DYNC2H1: variants seen among roughly 807,000 people sequenced by gnomAD.
DYNC2H1 encodes cytoplasmic dynein 2 heavy chain 1.
Under a neutral mutation model 570.0 loss-of-function variants are expected in DYNC2H1, and 410 were observed. The observed-to-expected ratio is 0.72, with a 90% confidence interval of 0.66 to 0.78. The LOEUF (loss-of-function observed/expected upper bound fraction) is 0.78. Among genes scored for constraint, DYNC2H1 ranks in the 30% least tolerant of loss-of-function variants. The pLI, the probability that DYNC2H1 is intolerant of heterozygous loss-of-function variation, is 0.00. For missense variants in DYNC2H1, 4,865 were observed against 5,046.4 expected (o/e 0.96, Z 1.09); for synonymous variants, 1,688 against 1,677.6 (o/e 1.01, Z -0.15).
Position 103,228,723 on chromosome 11 carries a change from A to T in DYNC2H1, c.9354-2537A>T, listed in dbSNP as rs1462359232. Among the ~76,000 whole-genome samples, 4 of 152,110 alleles carry T rather than the reference A, an allele frequency of 2.6e-5. No homozygotes were observed. ...CATCAGCTGTGGTCCTATAGGGAGGATGCAAACTTGCCCTAGGGACACCTG... is the reference window on the plus strand; with the variant it reads ...CATCAGCTGTGGTCCTATAGGGAGGTTGCAAACTTGCCCTAGGGACACCTG... On this transcript the variant is annotated intron_variant, in intron 59 of 88. Transcript: ENST00000375735. This position sits in a 1 kb window ranked among gnomAD's most constrained non-coding sequence, Gnocchi z 6.1.
chr11:103,142,624 G>A (rs937842839), intron 17 of DYNC2H1, among the ~76,000 whole-genome samples: 2 of 152,054 alleles, frequency 1.3e-5, no homozygotes, highest in South Asian at 2.1e-4. Context: ...AGCTTAGATC[G>A]CACCACTGTA....
Position 103,245,282 on chromosome 11 carries a change from C to T in DYNC2H1, c.9950C>T (p.Ala3317Val). 1.3e-6 allele frequency: 2 copies of T among 1,549,184 alleles called. No homozygotes were observed. The highest frequency in any genetic ancestry group is 2.4e-5 in the South Asian group (2 of 83,228). ...AACTTTATCACAGCTCTTGAATTAG[C>T]AGTACGTTTTGGGAAAACCCTTATT... ...DSNFITALEL[A>V]VRFGKTLIIQ... The change falls in exon 65 of 89, where the codon GCA (alanine) becomes GTA (valine). Residue 3317 changes from alanine (A) to valine (V), a missense_variant. Coordinates refer to ENST00000375735, the MANE Select transcript of DYNC2H1 (RefSeq NM_001377.3). The surrounding 1 kb of genome is among the most constrained non-coding windows in gnomAD (Gnocchi z 4.5).
At chr11:103,344,083 G>T (rs1386558698) in intron 82 of DYNC2H1, among the ~76,000 whole-genome samples, 3 of 152,196 alleles carry the variant, frequency 2.0e-5, no homozygotes, top group African/African-American at 7.2e-5. Flanking sequence ...AAACTTTGGT[G>T]CAGACCCTTT....
At position 103,280,392 on chromosome 11, in the gene DYNC2H1, T is replaced by C. The variant is rs1309277858; in HGVS notation, c.10740T>C (p.His3580=). 6.4e-7 allele frequency: 1 copy of C among 1,555,238 alleles called. No homozygotes were observed. Among genetic ancestry groups the C allele is most frequent in the East Asian group, 2.4e-5 (1 of 41,784 alleles). ...MFALHFVRGM[H]PELFQENEWD... Reference sequence around the variant, plus strand: ...CTTTGCATTTTGTTCGAGGCATGCATCCTGAACTTTTTCAAGAAAATGTAA... The same window carrying C: ...CTTTGCATTTTGTTCGAGGCATGCACCCTGAACTTTTTCAAGAAAATGTAA... Residue 3580 remains histidine, a synonymous_variant, in exon 71 of 89, where the codon CAT becomes CAC. Coordinates refer to ENST00000375735, the MANE Select transcript of DYNC2H1 (RefSeq NM_001377.3). This position sits in a 1 kb window ranked among gnomAD's most constrained non-coding sequence, Gnocchi z 4.7.
At chr11:103,266,293 G>T (rs149823170) in intron 70 of DYNC2H1, among the ~76,000 whole-genome samples, 1 of 152,078 alleles carries the variant, frequency 6.6e-6, no homozygotes, top group African/African-American at 2.4e-5. Flanking sequence ...GCACAGCTGC[G>T]GGGAGGGCAT....
At position 103,145,551 on chromosome 11, in the gene DYNC2H1, C is replaced by A. The variant is rs1188660580; in HGVS notation, c.2702+2156C>A. On this transcript the variant is annotated intron_variant, in intron 18 of 88. Transcript: ENST00000375735. The surrounding 1 kb of genome is among the most constrained non-coding windows in gnomAD (Gnocchi z 4.2). The stretch of plus-strand genomic sequence containing the variant: ...ATAGCTTTCCTATTTATGATCCTTG[C>A]CAAAAGAAAAAAAAATAAAAACAAC... Among the ~76,000 whole-genome samples the A allele has an allele frequency of 1.3e-5, 2 of 151,358 alleles. No individual in the cohort carries two copies. The highest frequency in any genetic ancestry group is 1.9e-4 in the East Asian group (1 of 5,170).
intron 87 of DYNC2H1, among the ~76,000 whole-genome samples, chr11:103,468,205 C>A (rs1945258178): frequency 6.6e-6 from 1 of 152,094 alleles, no homozygotes. Flanking sequence ...TAAAAGGTGT[C>A]AGAATTCCAG....
intron 84 of DYNC2H1, among the ~76,000 whole-genome samples, chr11:103,413,403 G>GTT (rs1454912045): frequency 2.6e-5 from 4 of 151,066 alleles, no homozygotes; most frequent in Non-Finnish European, 5.9e-5. Context: ...TTAAATAACA[G>GTT]TTTACTATTT....
At chr11:103,407,890 G>GT (rs1942927130) in intron 84 of DYNC2H1, 1 of 151,838 alleles carries the variant, frequency 6.6e-6, no homozygotes. Flanking sequence ...TTTGTGATGA[G>GT]TGCATATAAG....
chr11:103,188,500 T>A lies in DYNC2H1; in HGVS notation c.7144T>A (p.Leu2382Met). The part of the protein sequence containing the change: ...STLVAFLQQV[L>M]TYQGFYDENL... ...AAATATATTTATTTTCAAATAGGTA[T>A]TGACGTATCAAGGATTTTATGATGA... The change falls in exon 44 of 89, where the codon TTG becomes ATG. Residue 2382 changes from leucine to methionine, a missense_variant. By Grantham distance (15) the Leu-to-Met change is conservative. Coordinates refer to ENST00000375735, the MANE Select transcript of DYNC2H1 (RefSeq NM_001377.3). The A allele has an allele frequency of 1.3e-6, 2 of 1,592,304 alleles. No individual in the cohort carries two copies. The highest frequency in any genetic ancestry group is 1.7e-6 in the Non-Finnish European group (2 of 1,165,036).
intron 83 of DYNC2H1, among the ~76,000 whole-genome samples, chr11:103,377,495 ATTC>A (rs983661627): frequency 5.9e-5 from 9 of 152,118 alleles, no homozygotes; most frequent in East Asian, 1.9e-4. Flanking sequence ...AAAATTTAAT[ATTC>A]TTATTAAATA....
chr11:103,119,333 G>T (rs1182608413), intron 6 of DYNC2H1, among the ~76,000 whole-genome samples: 1 of 151,914 alleles, frequency 6.6e-6, no homozygotes, highest in Non-Finnish European at 1.5e-5. Context: ...CATGACTTCA[G>T]TGTTTCTTTC....
chr11:103,278,652 C>T (rs961195806), intron 70 of DYNC2H1, among the ~76,000 whole-genome samples: 30 of 152,138 alleles, frequency 2.0e-4, no homozygotes, highest in Non-Finnish European at 2.6e-4. Context: ...CTGCAATCTC[C>T]GCCTCCAGAG....
chr11:103,135,569 G>A lies in DYNC2H1; in HGVS notation c.2280G>A (p.Gln760=). 1 of 1,613,204 alleles carries A rather than the reference G, an allele frequency of 6.2e-7. No homozygotes were observed. The highest frequency in any genetic ancestry group is 8.5e-7 in the Non-Finnish European group (1 of 1,179,584). The change falls in exon 16 of 89, where the codon CAG becomes CAA. Residue 760 remains glutamine (Q), a synonymous_variant. Coordinates refer to ENST00000375735, the MANE Select transcript of DYNC2H1 (RefSeq NM_001377.3). Reference sequence around the variant, plus strand: ...AACTGTACAAAGCTCTGGAGCATCAGTACCAGATGGGCTTAGAAGCACTTA... The same window carrying A: ...AACTGTACAAAGCTCTGGAGCATCAATACCAGATGGGCTTAGAAGCACTTA... The part of the protein sequence containing the change: ...NHQLYKALEH[Q]YQMGLEALNE...
intron 84 of DYNC2H1, chr11:103,403,995 G>A (rs1299192027): frequency 1.3e-5 from 2 of 151,794 alleles, no homozygotes; most frequent in East Asian, 3.9e-4. Flanking sequence ...CGATTTCTTG[G>A]GCATCTATGC....
At chr11:103,360,738 A>G (rs1172398587) in intron 83 of DYNC2H1, among the ~76,000 whole-genome samples, 1 of 152,224 alleles carries the variant, frequency 6.6e-6, no homozygotes, top group Admixed American at 6.5e-5. Context: ...CAGAATAGTC[A>G]TGGTACCTAC....
Position 103,263,642 on chromosome 11 carries a change from A to G in DYNC2H1, c.10695+3665A>G, listed in dbSNP as rs567103858. Among the ~76,000 whole-genome samples the G allele has an allele frequency of 3.3e-5, 5 of 152,340 alleles. No homozygotes were observed. The East Asian group carries it at 7.7e-4, about 23-fold the overall frequency. On this transcript the variant is annotated intron_variant, in intron 70 of 88. Transcript: ENST00000375735. ...TAAATAACAAAATTAAGGCAGAAAT[A>G]AATAAGTTATTTGAAACCAACGAGA...
At chr11:103,359,990 T>C (rs1940557576) in intron 83 of DYNC2H1, among the ~76,000 whole-genome samples, 1 of 152,082 alleles carries the variant, frequency 6.6e-6, no homozygotes, top group African/African-American at 2.4e-5. Context: ...AATGTAGATA[T>C]AGCCCATTAC....
chr11:103,402,083 A>G (rs1371165925), intron 84 of DYNC2H1: 2 of 152,146 alleles, frequency 1.3e-5, no homozygotes, highest in Non-Finnish European at 2.9e-5. Context: ...TAAATACCTA[A>G]AGTAATAATG....
Sources: allele counts gnomAD v4.1 joint callset (sites outside exome capture counted in the v4.1 genomes callset), GRCh38; gene constraint gnomAD v4.1.1; non-coding constraint Gnocchi (gnomAD v3.1); transcripts MANE v1.5; gene names NCBI Gene and HGNC (gene_info 2026-07-23, HGNC 2026-07-21).